Variants in HPN observed in about 807,000 individuals in gnomAD.
The protein encoded by HPN is serine protease hepsin.
HPN carries 13 observed loss-of-function variants against 55.9 expected under a neutral mutation model. The observed-to-expected ratio is 0.23, with a 90% confidence interval of 0.15 to 0.37. The LOEUF (loss-of-function observed/expected upper bound fraction) is 0.37. Among genes scored for constraint, HPN ranks in the 10% least tolerant of loss-of-function variants. The pLI is 1.00. For missense variants in HPN, 451 were observed against 575.8 expected (o/e 0.78, Z 2.22); for synonymous variants, 225 against 240.3 (o/e 0.94, Z 0.59).
intron 2 of HPN, among the ~76,000 whole-genome samples, chr19:35,044,092 G>C (rs2064319072): frequency 6.6e-6 from 1 of 152,228 alleles, no homozygotes; most frequent in African/African-American, 2.4e-5. Context: ...CTGTAAACTG[G>C]GGGTGATGGC....
At chr19:35,049,851 A>ATT in intron 4 of HPN, among the ~76,000 whole-genome samples, 3 of 125,904 alleles carry the variant, frequency 2.4e-5, no homozygotes, top group African/African-American at 8.6e-5. Flanking sequence ...GGTTATGCTA[A>ATT]TTTTTGTTTG....
At chr19:35,044,254 G>T (rs1221035574) in intron 2 of HPN, among the ~76,000 whole-genome samples, 1 of 152,222 alleles carries the variant, frequency 6.6e-6, no homozygotes, top group African/African-American at 2.4e-5. Context: ...TGTTATTGCT[G>T]CTGGCTTCTT....
chr19:35,041,404 G>C (rs1365918126), upstream of HPN, among the ~76,000 whole-genome samples: 1 of 152,078 alleles, frequency 6.6e-6, no homozygotes, highest in South Asian at 2.1e-4. Context: ...GGAAGGGTTC[G>C]CTGGGTGAGG....
At position 35,065,984 on chromosome 19, in the gene HPN, C is replaced by G. The variant is rs1191460803; in HGVS notation, c.1167C>G (p.Val389=). The G allele has an allele frequency of 6.2e-7, 1 of 1,613,138 alleles. No homozygotes were observed. The highest frequency in any genetic ancestry group is 1.3e-5 in the African/African-American group (1 of 74,950). Residue 389 remains valine (V), a synonymous_variant, in exon 12 of 13, where the codon GTC becomes GTG. Coordinates refer to ENST00000672452, the MANE Select transcript of HPN (RefSeq NM_001384133.1). ...TGCALAQKPG[V]YTKVSDFREW... ...GTGCCCTGGCCCAGAAGCCAGGCGTCTACACCAAAGTCAGTGACTTCCGGG... is the reference window on the plus strand; with the variant it reads ...GTGCCCTGGCCCAGAAGCCAGGCGTGTACACCAAAGTCAGTGACTTCCGGG...
At chr19:35,046,769 C>T (rs1442182577) in intron 2 of HPN, among the ~76,000 whole-genome samples, 1 of 152,224 alleles carries the variant, frequency 6.6e-6, no homozygotes, top group Admixed American at 6.5e-5. Flanking sequence ...GCAGCCTTTA[C>T]TCTTTGGCCT....
intron 2 of HPN, among the ~76,000 whole-genome samples, chr19:35,045,663 A>G (rs2064334698): frequency 6.6e-6 from 1 of 151,734 alleles, no homozygotes; most frequent in African/African-American, 2.4e-5. Flanking sequence ...CTGTCCCAGT[A>G]GAGACACGCA....
intron 2 of HPN, among the ~76,000 whole-genome samples, chr19:35,047,118 G>A (rs1186227369): frequency 6.6e-6 from 1 of 152,172 alleles, no homozygotes; most frequent in African/African-American, 2.4e-5. Flanking sequence ...GTGAGCCACC[G>A]AGCCCGGCTA....
chr19:35,049,069 C>CCCCAGCTG (rs956307215), intron 2 of HPN, among the ~76,000 whole-genome samples: 50 of 152,296 alleles, frequency 3.3e-4, no homozygotes, highest in African/African-American at 1.2e-3. Context: ...CGGCCATGCC[C>CCCCAGCTG]CCCTCCCAGC....
chr19:35,047,306 T>G (rs1391853720), intron 2 of HPN, among the ~76,000 whole-genome samples: 1 of 152,242 alleles, frequency 6.6e-6, no homozygotes, highest in Non-Finnish European at 1.5e-5. Flanking sequence ...TGCTTATTCT[T>G]GCCTCAAGGC....
chr19:35,060,201 T>C, intron 7 of HPN, 32 bp downstream of exon 7: 3 of 1,613,444 alleles, frequency 1.9e-6, no homozygotes, highest in African/African-American at 2.7e-5. Flanking sequence ...CCCTCTCCTT[T>C]AGGCCCTTGG....
chr19:35,065,234 A>G lies in HPN; in HGVS notation c.812-16A>G, dbSNP rs771220932. ...GCAGGCCAGCGGGGGCTGGACCAGCATTGTCTCTCTCACAGAATACATCCA... is the reference window on the plus strand; with the variant it reads ...GCAGGCCAGCGGGGGCTGGACCAGCGTTGTCTCTCTCACAGAATACATCCA... On this transcript the variant is annotated splice_polypyrimidine_tract_variant and intron_variant, in intron 9 of 12. Transcript: ENST00000672452. The G allele has an allele frequency of 6.2e-7, 1 of 1,600,114 alleles. No individual in the cohort carries two copies. Among genetic ancestry groups the G allele is most frequent in the Non-Finnish European group, 8.5e-7 (1 of 1,169,846 alleles).
intron 11 of HPN, 40 bp from the exon 12 acceptor site, chr19:35,065,828 C>G (rs1183185910): frequency 6.2e-7 from 1 of 1,610,954 alleles, no homozygotes; most frequent in African/African-American, 1.3e-5. Flanking sequence ...TCCTGTCCAA[C>G]CACTTTGGCC....
intron 4 of HPN, among the ~76,000 whole-genome samples, chr19:35,056,707 C>T (rs982375109): frequency 2.6e-5 from 4 of 152,096 alleles, no homozygotes; most frequent in African/African-American, 7.2e-5. Context: ...TGTGGTTTGC[C>T]GAAAGCAAAG....
chr19:35,060,594 C>T, intron 8 of HPN, 33 bp from the exon 9 acceptor site: 1 of 1,612,252 alleles, frequency 6.2e-7, no homozygotes, highest in Non-Finnish European at 8.5e-7. Flanking sequence ...TGTGCCCAGG[C>T]AGGTGGCCAC....
chr19:35,061,883 T>C (rs12973793), intron 9 of HPN, among the ~76,000 whole-genome samples: 406 of 152,006 alleles, frequency 2.7e-3, no homozygotes, highest in Admixed American at 5.3e-3. Flanking sequence ...CTGGGCAACA[T>C]AGCAAGACCC....
intron 2 of HPN, among the ~76,000 whole-genome samples, chr19:35,045,050 T>C (rs746701553): frequency 6.6e-5 from 10 of 151,460 alleles, no homozygotes; most frequent in South Asian, 2.1e-4. Context: ...TGGGGAGACA[T>C]TGGGGAGACA....
At chr19:35,063,716 A>G (rs1333842192) in intron 9 of HPN, among the ~76,000 whole-genome samples, 2 of 152,202 alleles carry the variant, frequency 1.3e-5, no homozygotes, top group Non-Finnish European at 2.9e-5. Flanking sequence ...ATATTGAAGT[A>G]AGGACGCATC....
At chr19:35,041,263 G>A (rs1057210929), upstream of HPN, among the ~76,000 whole-genome samples, 2 of 152,188 alleles carry the variant, frequency 1.3e-5, no homozygotes, top group African/African-American at 2.4e-5. Flanking sequence ...GCCGGGGCAG[G>A]ATGAGCAGGG....
intron 9 of HPN, among the ~76,000 whole-genome samples, chr19:35,062,512 G>A (rs755817118): frequency 6.6e-6 from 1 of 152,130 alleles, no homozygotes; most frequent in Non-Finnish European, 1.5e-5. Flanking sequence ...GACTCACTTA[G>A]GTGCCAACAT....
Sources: gnomAD v4.1 joint callset for allele counts (sites outside exome capture counted in the v4.1 genomes callset) on GRCh38, gnomAD v4.1.1 for gene constraint, MANE v1.5 for transcripts, NCBI Gene and HGNC (gene_info 2026-07-23, HGNC 2026-07-21) for gene names.